KCNQ5: variants seen among roughly 807,000 people sequenced by gnomAD.
KCNQ5 encodes potassium voltage-gated channel subfamily Q member 5.
In KCNQ5, 30 loss-of-function variants were observed where a neutral mutation model predicts 98.2. The observed-to-expected ratio is 0.31, with a 90% CI of 0.23 to 0.41. The LOEUF (loss-of-function observed/expected upper bound fraction) is 0.41. KCNQ5 is among the 10% of genes least tolerant of loss of function. The pLI is 1.00. For missense variants in KCNQ5, 835 were observed against 1,182.5 expected, an observed-to-expected ratio of 0.71 and a Z score of 4.31; for synonymous variants, 458 against 449.4, an observed-to-expected ratio of 1.02 and a Z score of -0.24.
intron 1 of KCNQ5, among the ~76,000 whole-genome samples, chr6:72,882,716 C>T (rs571635257): frequency 2.0e-4 from 30 of 152,104 alleles, no homozygotes; most frequent in Non-Finnish European, 3.1e-4. Context: ...TCATTATGTA[C>T]ATGGATGGAC....
Position 73,169,727 on chromosome 6 carries a change from TG to T in KCNQ5, c.1469-17del. On this transcript the variant is annotated intron_variant, in intron 10 of 13. Coordinates refer to ENST00000370398, the MANE Select transcript of KCNQ5 (RefSeq NM_019842.4). ...ATTGCGGATGGTGGTGTTATTTAAC[TG>T]GCAATATTCTCTTGCAGCTGACACA... 1 of 1,543,060 alleles carries T rather than the reference TG, an allele frequency of 6.5e-7. No individual in the cohort carries two copies. The highest frequency in any genetic ancestry group is 9.0e-7 in the Non-Finnish European group (1 of 1,116,266).
chr6:72,809,683 A>G (rs1277563078), intron 1 of KCNQ5, among the ~76,000 whole-genome samples: 1 of 152,256 alleles, frequency 6.6e-6, no homozygotes, highest in Non-Finnish European at 1.5e-5. Flanking sequence ...GGAAATTTGC[A>G]CATAGGGCAC....
intron 6 of KCNQ5, among the ~76,000 whole-genome samples, chr6:73,108,209 C>T (rs73753250): frequency 0.017 from 2,618 of 152,260 alleles, 77 homozygotes; most frequent in African/African-American, 0.059. Context: ...CCCTGGTGCC[C>T]GCTCCATCTC....
chr6:72,622,348 C>T lies in KCNQ5; in HGVS notation c.159C>T (p.Ala53=), dbSNP rs878991064. The T allele has an allele frequency of 1.4e-6, 2 of 1,432,636 alleles. No individual in the cohort carries two copies. The highest frequency in any genetic ancestry group is 5.4e-5 in the East Asian group (2 of 36,808). The allele number at this position is 1,432,636 out of a possible 1,614,324, so 88.7% of individuals were successfully genotyped here. A position where few individuals can be genotyped will look rare whatever the true frequency, so the allele number is the denominator to read the frequency against. Residue 53 remains alanine (A), a synonymous_variant, in exon 1 of 14, where the codon GCC becomes GCT. Transcript: ENST00000370398. This position sits in a 1 kb window ranked among gnomAD's most constrained non-coding sequence, Gnocchi z 6.0. Reference sequence around the variant, plus strand: ...GGGTGCTGCTGAACTCGGCAGCCGCCAGGGGCGACGGCCTGCTACTGCTGG... The same window carrying T: ...GGGTGCTGCTGAACTCGGCAGCCGCTAGGGGCGACGGCCTGCTACTGCTGG... ...RGRVLLNSAA[A]RGDGLLLLGT... is the part of the protein sequence containing the mutation.
intron 1 of KCNQ5, among the ~76,000 whole-genome samples, chr6:72,628,445 A>G (rs1162480188): frequency 6.6e-6 from 1 of 152,222 alleles, no homozygotes; most frequent in African/African-American, 2.4e-5. Context: ...CTAAAATGCT[A>G]TCATTAAAGA....
intron 1 of KCNQ5, among the ~76,000 whole-genome samples, chr6:72,792,313 T>C (rs1315567900): frequency 1.3e-5 from 2 of 152,234 alleles, no homozygotes; most frequent in Non-Finnish European, 2.9e-5. Flanking sequence ...TTCAAGCTTC[T>C]TGTTTTTTCT....
At chr6:72,816,033 C>T (rs980036441) in intron 1 of KCNQ5, among the ~76,000 whole-genome samples, 3 of 152,122 alleles carry the variant, frequency 2.0e-5, no homozygotes, top group Non-Finnish European at 4.4e-5. Context: ...AGGCCATTTC[C>T]TTAAGGAACA....
At chr6:72,919,701 G>GA (rs1241035647) in intron 1 of KCNQ5, among the ~76,000 whole-genome samples, 1 of 152,166 alleles carries the variant, frequency 6.6e-6, no homozygotes, top group East Asian at 1.9e-4. Context: ...ATAACTTCAG[G>GA]AAAGTAGATG....
At chr6:72,755,919 G>T (rs1486521613) in intron 1 of KCNQ5, among the ~76,000 whole-genome samples, 1 of 152,084 alleles carries the variant, frequency 6.6e-6, no homozygotes, top group African/African-American at 2.4e-5. Flanking sequence ...TCCTCCAGCA[G>T]CAGGCAGTCA....
intron 10 of KCNQ5, among the ~76,000 whole-genome samples, chr6:73,153,462 G>C (rs1381729805): frequency 1.3e-5 from 2 of 152,088 alleles, no homozygotes; most frequent in Non-Finnish European, 2.9e-5. Flanking sequence ...GTGCATCTTT[G>C]TATGTGTGTG....
intron 1 of KCNQ5, among the ~76,000 whole-genome samples, chr6:72,924,816 G>A (rs1014437342): frequency 6.6e-6 from 1 of 152,152 alleles, no homozygotes; most frequent in Non-Finnish European, 1.5e-5. Context: ...TCACATACGT[G>A]AGGAGTGATG....
chr6:73,038,916 ATGATATATTCTTATTT>A (rs1771567155), intron 2 of KCNQ5, among the ~76,000 whole-genome samples: 1 of 152,108 alleles, frequency 6.6e-6, no homozygotes, highest in Non-Finnish European at 1.5e-5. Flanking sequence ...TTGTGTGAAA[ATGATATATTCTTATTT>A]AAATGTCTGG....
chr6:72,657,118 G>A (rs1439248255), intron 1 of KCNQ5, among the ~76,000 whole-genome samples: 1 of 152,164 alleles, frequency 6.6e-6, no homozygotes, highest in East Asian at 1.9e-4. Context: ...ATTGAGGCAA[G>A]AGGATAGTTT....
intron 6 of KCNQ5, among the ~76,000 whole-genome samples, chr6:73,108,494 A>G (rs754778863): frequency 1.1e-4 from 16 of 152,194 alleles, no homozygotes; most frequent in Non-Finnish European, 2.2e-4. Context: ...ACTAAATGTA[A>G]TTATTGCATA....
intron 1 of KCNQ5, among the ~76,000 whole-genome samples, chr6:72,676,607 C>G (rs1767419289): frequency 1.3e-5 from 2 of 152,150 alleles, no homozygotes; most frequent in Admixed American, 1.3e-4. Context: ...TGAAATTTTA[C>G]TATTCATCCC....
At chr6:72,992,757 A>G in intron 1 of KCNQ5, among the ~76,000 whole-genome samples, 1 of 108,270 alleles carries the variant, frequency 9.2e-6, no homozygotes, top group African/African-American at 4.6e-5. Flanking sequence ...CCTAGTCTCG[A>G]TGGTCTTTAC....
chr6:72,738,821 T>G (rs372878366), intron 1 of KCNQ5, among the ~76,000 whole-genome samples: 1 of 152,196 alleles, frequency 6.6e-6, no homozygotes, highest in South Asian at 2.1e-4. Context: ...TGCTGTATGA[T>G]TCCAACTATA....
At chr6:73,022,023 C>T (rs7745866) in intron 2 of KCNQ5, among the ~76,000 whole-genome samples, 8,490 of 152,022 alleles carry the variant, frequency 0.056, 819 homozygotes, top group African/African-American at 0.19. Context: ...TAATCATGCA[C>T]ATTAAAGAAT....
chr6:72,823,368 T>C (rs1775841317), intron 1 of KCNQ5, among the ~76,000 whole-genome samples: 1 of 152,078 alleles, frequency 6.6e-6, no homozygotes, highest in Admixed American at 6.6e-5. Flanking sequence ...ATTATATGTA[T>C]CATTAAAAAT....
Sources: allele counts gnomAD v4.1 joint callset (sites outside exome capture counted in the v4.1 genomes callset), GRCh38; gene constraint gnomAD v4.1.1; non-coding constraint Gnocchi (gnomAD v3.1); transcripts MANE v1.5; gene names NCBI Gene and HGNC (gene_info 2026-07-23, HGNC 2026-07-21).